A1BG: variants seen among roughly 807,000 people sequenced by gnomAD.
A1BG encodes the protein alpha-1B-glycoprotein.
A1BG carries 44 observed loss-of-function variants against 46.0 expected under a neutral mutation model. The ratio of observed to expected loss-of-function variants is 0.96; its 90% CI spans 0.75 to 1.23. A1BG has a LOEUF of 1.23. A1BG is among the 50% of genes most tolerant of loss of function. A1BG has a pLI of 0.00. For synonymous variants in A1BG, 316 were observed against 314.7 expected, an observed-to-expected ratio of 1.00 and a Z score of -0.04; for missense variants, 707 against 688.8, an observed-to-expected ratio of 1.03 and a Z score of -0.30.
chr19:58,350,913 G>A (rs2051952263), intron 5 of A1BG: 3 of 437,786 alleles, frequency 6.9e-6, no homozygotes, highest in African/African-American at 6.0e-5. Context: ...TTTTGTGCAT[G>A]GCTTGATGCC....
chr19:58,347,772 T>G (rs529447469), intron 6 of A1BG, 132 bp from the exon 7 acceptor site: 3 of 540,854 alleles, frequency 5.5e-6, no homozygotes, highest in Non-Finnish European at 8.2e-6. Context: ...GTCTTGTTCC[T>G]GGGCGCAGAG....
chr19:58,348,514 G>T (rs543834714), intron 6 of A1BG: 4 of 152,370 alleles, frequency 2.6e-5, no homozygotes, highest in Admixed American at 1.3e-4. Flanking sequence ...TGCCATGGAA[G>T]ATACTAGCCC....
At chr19:58,351,792 ATTCTTTTTTTTT>A (rs2051961756) in intron 4 of A1BG, 105 bp from the exon 5 acceptor site, 2 of 964,974 alleles carry the variant, frequency 2.1e-6, no homozygotes, top group African/African-American at 4.1e-5. Context: ...ACACCCTTCC[ATTCTTTTTTTTT>A]TTTTTTTTTG....
At position 58,347,666 on chromosome 19, in the gene A1BG, GCCAGGCCACGCC is replaced by G. The variant is rs753157383; in HGVS notation, c.1193-38_1193-27del. On this transcript the variant is annotated intron_variant, in intron 6 of 7. Transcript: ENST00000263100. ...CTGGGCGGAGCGGGCGGGTGGTCGGGCCAGGCCACGCCCCAGGCCACGCCCCAGGCCACACCC... is the reference window on the plus strand; with the variant it reads ...CTGGGCGGAGCGGGCGGGTGGTCGGGCCAGGCCACGCCCCAGGCCACACCC... 8.3e-4 allele frequency: 960 copies of G among 1,150,542 alleles called. 7 individuals carry two copies. In the African/African-American group the frequency reaches 0.016, roughly 20 times the overall value. 71.3% of individuals were successfully genotyped at this position (1,150,542 alleles called of 1,614,324 possible).
intron 4 of A1BG, 105 bp from the exon 5 acceptor site, chr19:58,351,792 ATTCT>A: frequency 1.0e-6 from 1 of 968,376 alleles, no homozygotes; most frequent in African/African-American, 2.0e-5. Flanking sequence ...ACACCCTTCC[ATTCT>A]TTTTTTTTTT....
At position 58,351,507 on chromosome 19, in the gene A1BG, T is replaced by C; in HGVS notation, c.794A>G (p.His265Arg). The change falls in exon 5 of 8, where the codon CAC (histidine) becomes CGC (arginine). Residue 265 changes from histidine (H) to arginine (R), a missense_variant. Transcript: ENST00000263100. ...ATCCCCCAGGGCCACCGCGTTCAGG[T>C]GAAAGAAGATGCGATCTGGGCTGGT... ...SSTSPDRIFFHLNAVALGDGG... is the reference protein window; with the variant it reads ...SSTSPDRIFFRLNAVALGDGG... The C allele has an allele frequency of 6.2e-7, 1 of 1,613,696 alleles. No homozygotes were observed. The highest frequency in any genetic ancestry group is 8.5e-7 in the Non-Finnish European group (1 of 1,179,978).
In A1BG at chr19:58,353,317, C is replaced by T. The variant is rs1188291869; in HGVS notation, c.45G>A (p.Trp15Ter). Reference sequence around the variant, plus strand: ...ATATGGCTGCTTCTGTCACTGGGCCCCAGGTGACACCTGCGGAGACAGCCC... The same window carrying T: ...ATATGGCTGCTTCTGTCACTGGGCCTCAGGTGACACCTGCGGAGACAGCCC... ...VVFLLLWGVTWGPVTEAAIFY... is the reference protein window; with the variant it reads ...VVFLLLWGVT Residue 15 changes from tryptophan to a stop codon, truncating the protein, a stop_gained, in exon 2 of 8, where the codon TGG (tryptophan) becomes TGA (stop). Transcript: ENST00000263100. LOFTEE classifies it high-confidence loss of function. 1 of 1,612,706 alleles carries T rather than the reference C, an allele frequency of 6.2e-7. No homozygotes were observed. The highest frequency in any genetic ancestry group is 1.1e-5 in the South Asian group (1 of 90,962).
At chr19:58,347,695 G>GCCGCGCCCAGA in intron 6 of A1BG, 55 bp from the exon 7 acceptor site, 1 of 834,312 alleles carries the variant, frequency 1.2e-6, no homozygotes, top group Non-Finnish European at 1.6e-6. Flanking sequence ...CACGCCCCAG[G>GCCGCGCCCAGA]CCACACCCCA....
intron 4 of A1BG, 49 bp downstream of exon 4, chr19:58,352,234 C>T (rs1466001710): frequency 6.3e-7 from 1 of 1,597,184 alleles, no homozygotes; most frequent in South Asian, 1.1e-5. Context: ...GGTCATGCCC[C>T]CTGTATCCTC....
chr19:58,352,118 C>A (rs995432393), intron 4 of A1BG, 165 bp downstream of exon 4: 3 of 1,467,128 alleles, frequency 2.0e-6, no homozygotes, highest in African/African-American at 1.4e-5. Flanking sequence ...TTTGGGCATC[C>A]TCTGCCCAAA....
chr19:58,345,368 A>C lies in A1BG; in HGVS notation c.*1654T>G, dbSNP rs1316003479. ...TAGAATGGCTAAAATAAACTTTTTA[A>C]AAAACTAAGCTGGGGCTGGGCGTGG... On this transcript the variant is annotated 3_prime_UTR_variant, in exon 8 of 8. Coordinates refer to ENST00000263100, the MANE Select transcript of A1BG (RefSeq NM_130786.4). The C allele has an allele frequency of 6.6e-6, 1 of 152,164 alleles. No individual in the cohort carries two copies. 9.4% of individuals were successfully genotyped at this position (152,164 alleles called of 1,614,324 possible). A position where few individuals can be genotyped will look rare whatever the true frequency, so the allele number is the denominator to read the frequency against.
chr19:58,347,396 G>C lies in A1BG; in HGVS notation c.1437C>G (p.Thr479=), dbSNP rs1419872630. ...RCRYRSWVPH[T]FESELSDPVE... Reference sequence around the variant, plus strand: ...CAGGGTCGCTGAGCTCCGATTCGAAGGTGTGGGGCACCCAGGAGCGGTAGC... The same window carrying C: ...CAGGGTCGCTGAGCTCCGATTCGAACGTGTGGGGCACCCAGGAGCGGTAGC... Residue 479 remains threonine, a synonymous_variant, in exon 7 of 8, where the codon ACC becomes ACG. Transcript: ENST00000263100. The C allele has an allele frequency of 6.2e-7, 1 of 1,612,066 alleles. No individual in the cohort carries two copies. Among genetic ancestry groups the C allele is most frequent in the Non-Finnish European group, 8.5e-7 (1 of 1,179,734 alleles).
In A1BG at chr19:58,352,101, T is replaced by A. The variant is rs576004941; in HGVS notation, c.613+182A>T. On this transcript the variant is annotated intron_variant, in intron 4 of 7. Transcript: ENST00000263100. ...GAGCCACCGCACCCGGCCTCACCCT[T>A]CCATTCTTTGGGCATCCTCTGCCCA... is the stretch of plus-strand genomic sequence containing the variant. 7 of 1,451,398 alleles carry A rather than the reference T, an allele frequency of 4.8e-6. No individual in the cohort carries two copies. In the East Asian group the frequency reaches 1.7e-4, roughly 36 times the overall value. The allele number at this position is 1,451,398 out of a possible 1,614,324, so 89.9% of individuals were successfully genotyped here. A position where few individuals can be genotyped will look rare whatever the true frequency, so the allele number is the denominator to read the frequency against.
rs1288062952 is a variant in A1BG at position 58,352,727 on chromosome 19, A to T, written c.341-172T>A. The T allele has an allele frequency of 2.3e-5, 27 of 1,152,384 alleles. No individual in the cohort carries two copies. In the East Asian group the frequency reaches 5.0e-4, roughly 21 times the overall value. 71.4% of individuals were successfully genotyped at this position (1,152,384 alleles called of 1,614,324 possible). ...ACAAGGCATACGGCAAGAGAAAAAGAGTGTGTGGGAGCTGTACGGCATGCC... is the reference window on the plus strand; with the variant it reads ...ACAAGGCATACGGCAAGAGAAAAAGTGTGTGTGGGAGCTGTACGGCATGCC... On this transcript the variant is annotated intron_variant, in intron 3 of 7. Transcript: ENST00000263100.
rs2051969336 is a variant in A1BG at position 58,352,431 on chromosome 19, G to T, written c.465C>A (p.Asp155Glu). ...GVTFLLRREG[D>E]HEFLEVPEAQ... is the part of the protein sequence containing the mutation. ...CCTCAGGCACCTCCAGAAACTCATGGTCGCCCTCCCGCCTCAGCAGAAAAG... is the reference window on the plus strand; with the variant it reads ...CCTCAGGCACCTCCAGAAACTCATGTTCGCCCTCCCGCCTCAGCAGAAAAG... The change falls in exon 4 of 8, where the codon GAC becomes GAA. Residue 155 changes from aspartate (D) to glutamate (E), a missense_variant. Asp to Glu is a conservative substitution (Grantham distance 45, BLOSUM62 2). Coordinates refer to ENST00000263100, the MANE Select transcript of A1BG (RefSeq NM_130786.4). 6.2e-7 allele frequency: 1 copy of T among 1,613,714 alleles called. No individual in the cohort carries two copies. Among genetic ancestry groups the T allele is most frequent in the East Asian group, 2.2e-5 (1 of 44,890 alleles).
chr19:58,352,014 T>C (rs1250087448), intron 4 of A1BG: 1 of 1,181,706 alleles, frequency 8.5e-7, no homozygotes, highest in African/African-American at 1.5e-5. Flanking sequence ...TAGACTGGTC[T>C]CGATCTCTTG....
At chr19:58,347,690 C>CCCAGGCCGCGG (rs1199358052) in intron 6 of A1BG, 50 bp from the exon 7 acceptor site, 2 of 835,902 alleles carry the variant, frequency 2.4e-6, no homozygotes, top group Non-Finnish European at 3.1e-6. Flanking sequence ...CAGGCCACGC[C>CCCAGGCCGCGG]CCAGGCCACA....
Position 58,352,982 on chromosome 19 carries a change from C to T in A1BG, c.286G>A (p.Gly96Ser), listed in dbSNP as rs771583880. The part of the protein sequence containing the change: ...DTQGRYRCRS[G>S]LSTGWTQLSK... ...AGCTGGGTCCATCCTGTGGACAAGC[C>T]CGAGCGGCAGCGGTAGCGGCCCTGG... The change falls in exon 3 of 8, where the codon GGC becomes AGC. Residue 96 changes from glycine to serine, a missense_variant. Physicochemically the swap from Gly to Ser is moderately conservative, Grantham distance 56 (BLOSUM62 0). Coordinates refer to ENST00000263100, the MANE Select transcript of A1BG (RefSeq NM_130786.4). 2 of 1,613,892 alleles carry T rather than the reference C, an allele frequency of 1.2e-6. No homozygotes were observed. The highest frequency in any genetic ancestry group is 2.7e-5 in the African/African-American group (2 of 74,928).
chr19:58,353,247 C>T lies in A1BG; in HGVS notation c.70+45G>A, dbSNP rs773864522. ...TCAGTGCCACAGAGACAGGGCTCCC[C>T]CCCGGCCTGGGCCCACCATTCCCAG... is the stretch of plus-strand genomic sequence containing the variant. On this transcript the variant is annotated intron_variant, in intron 2 of 7. Transcript: ENST00000263100. 3 of 1,613,812 alleles carry T rather than the reference C, an allele frequency of 1.9e-6. No homozygotes were observed. In the Admixed American group the frequency reaches 5.0e-5, roughly 27 times the overall value.
Sources: allele counts gnomAD v4.1 joint callset, GRCh38; gene constraint gnomAD v4.1.1; transcripts MANE v1.5; gene names NCBI Gene and HGNC (gene_info 2026-07-23, HGNC 2026-07-21).